TBC1D19: variants seen among roughly 807,000 people sequenced by gnomAD.
The protein encoded by TBC1D19 is TBC1 domain family, member 19.
Under a neutral mutation model 89.0 loss-of-function variants are expected in TBC1D19, and 60 were observed. That is an observed-to-expected ratio of 0.67 (90% CI 0.55 to 0.84). The LOEUF is 0.84. TBC1D19 is among the 40% of genes least tolerant of loss of function. The pLI is 0.00. For synonymous variants in TBC1D19, 189 were observed against 199.7 expected (o/e 0.95, Z 0.45); for missense variants, 500 against 610.8 (o/e 0.82, Z 1.91).
At chr4:26,793,654 T>C in the TBC1D19 span, among the ~76,000 whole-genome samples, 1 of 136,234 alleles carries the variant, frequency 7.3e-6, no homozygotes, top group South Asian at 2.2e-4. Flanking sequence ...AACCAGGAAG[T>C]GGAGGTTGCA....
chr4:26,802,625 AGTGGCTCCATTAG>A, the TBC1D19 span, among the ~76,000 whole-genome samples: 1 of 152,144 alleles, frequency 6.6e-6, no homozygotes, highest in Non-Finnish European at 1.5e-5. Flanking sequence ...CAAAAACAAA[AGTGGCTCCATTAG>A]GTGCTAGAGG....
At chr4:26,576,936 G>A in intron 1 of TBC1D19, 2 of 441,160 alleles carry the variant, frequency 4.5e-6, no homozygotes, top group Non-Finnish European at 9.2e-6. Context: ...AGTAATCTAG[G>A]TGTTGCTATA....
At chr4:26,845,029 A>C in the TBC1D19 span, among the ~76,000 whole-genome samples, 1 of 152,218 alleles carries the variant, frequency 6.6e-6, no homozygotes, top group Non-Finnish European at 1.5e-5. Flanking sequence ...TTTTCCTATC[A>C]TTAAAATCCT....
chr4:26,821,292 T>G, the TBC1D19 span, among the ~76,000 whole-genome samples: 2 of 152,364 alleles, frequency 1.3e-5, no homozygotes, highest in East Asian at 3.9e-4. Flanking sequence ...TGAAATCATT[T>G]GGCAAGGAAC....
At chr4:26,719,854 G>T (rs1716863802) in intron 14 of TBC1D19, among the ~76,000 whole-genome samples, 1 of 152,052 alleles carries the variant, frequency 6.6e-6, no homozygotes, top group Non-Finnish European at 1.5e-5. Context: ...TGGTTGTTTT[G>T]TGTCGCTTCT....
chr4:26,807,394 C>A, the TBC1D19 span, among the ~76,000 whole-genome samples: 1 of 152,176 alleles, frequency 6.6e-6, no homozygotes, highest in Non-Finnish European at 1.5e-5. Flanking sequence ...TGAGTGTCCC[C>A]CACGGGCCAG....
At chr4:26,649,627 G>T (rs924836156) in intron 7 of TBC1D19, among the ~76,000 whole-genome samples, 6 of 151,866 alleles carry the variant, frequency 4.0e-5, no homozygotes, top group Non-Finnish European at 8.8e-5. Flanking sequence ...TATGTTTATT[G>T]TATAACCAAT....
chr4:26,594,256 T>C (rs530536662), intron 1 of TBC1D19, among the ~76,000 whole-genome samples: 3 of 152,072 alleles, frequency 2.0e-5, no homozygotes, highest in Non-Finnish European at 4.4e-5. Context: ...AACCAAACAC[T>C]GCATGTTCTC....
chr4:26,696,171 A>G (rs1413535065), intron 13 of TBC1D19, among the ~76,000 whole-genome samples: 1 of 152,234 alleles, frequency 6.6e-6, no homozygotes, highest in African/African-American at 2.4e-5. Context: ...AAGATCTACC[A>G]AGCAAATGGA....
At chr4:26,593,975 C>T (rs1209963651) in intron 1 of TBC1D19, among the ~76,000 whole-genome samples, 3 of 152,042 alleles carry the variant, frequency 2.0e-5, no homozygotes, top group African/African-American at 7.2e-5. Context: ...TTTGACCCAG[C>T]CATCCCATTA....
At chr4:26,650,432 G>T (rs1744283732) in intron 7 of TBC1D19, among the ~76,000 whole-genome samples, 1 of 152,130 alleles carries the variant, frequency 6.6e-6, no homozygotes, top group Admixed American at 6.5e-5. Context: ...GTATCTCATT[G>T]TGGTTTTGAT....
chr4:26,716,513 T>A (rs566877025), intron 13 of TBC1D19, among the ~76,000 whole-genome samples: 4 of 152,148 alleles, frequency 2.6e-5, no homozygotes, highest in Non-Finnish European at 5.9e-5. Flanking sequence ...AAATTCACTC[T>A]AGTGTTGTTT....
chr4:26,679,732 G>A (rs778556607), intron 11 of TBC1D19, among the ~76,000 whole-genome samples: 25 of 152,326 alleles, frequency 1.6e-4, no homozygotes, highest in Middle Eastern at 6.8e-3. Flanking sequence ...GGCTGTACTC[G>A]GTAAAGCCAC....
the TBC1D19 span, among the ~76,000 whole-genome samples, chr4:26,848,304 A>G: frequency 0.44 from 66,273 of 152,034 alleles, 15,166 homozygotes; most frequent in Middle Eastern, 0.66. Flanking sequence ...TAAGCCATAC[A>G]ACTGGCTCTC....
intron 9 of TBC1D19, among the ~76,000 whole-genome samples, chr4:26,669,845 T>C (rs1036161053): frequency 2.6e-5 from 4 of 151,750 alleles, no homozygotes; most frequent in Admixed American, 6.6e-5. Flanking sequence ...ACTACATTGA[T>C]TGAAATGAAC....
the TBC1D19 span, among the ~76,000 whole-genome samples, chr4:26,763,597 A>G: frequency 6.6e-6 from 1 of 152,202 alleles, no homozygotes. Context: ...CCTCCCTAAA[A>G]TGTATAAAAC....
chr4:26,850,540 C>CAAA, the TBC1D19 span, among the ~76,000 whole-genome samples: 30 of 90,300 alleles, frequency 3.3e-4, no homozygotes, highest in East Asian at 9.2e-4. Context: ...GACCCTGTCT[C>CAAA]AAAAAAAAAA....
At position 26,602,849 on chromosome 4, in the gene TBC1D19, T is replaced by G. The variant is rs572952680; in HGVS notation, c.100-10320T>G. On this transcript the variant is annotated intron_variant, in intron 1 of 20. Transcript: ENST00000264866. ...GTAAATAATTATTAATTGTATTACA[T>G]CTCATCCCTTGAATACACATCTTTT... 4.6e-5 allele frequency among the ~76,000 whole-genome samples: 7 copies of G among 152,282 alleles called. No homozygotes were observed. In the South Asian group the frequency reaches 8.3e-4, roughly 18 times the overall value.
the TBC1D19 span, among the ~76,000 whole-genome samples, chr4:26,803,748 C>G: frequency 6.6e-6 from 1 of 152,186 alleles, no homozygotes; most frequent in African/African-American, 2.4e-5. Context: ...GAAATCTGTT[C>G]CTGGGTGGCT....
Sources: allele counts gnomAD v4.1 joint callset (sites outside exome capture counted in the v4.1 genomes callset), GRCh38; gene constraint gnomAD v4.1.1; transcripts MANE v1.5; gene names NCBI Gene and HGNC (gene_info 2026-07-23, HGNC 2026-07-21).